Variants in KCNIP1 observed in about 807,000 individuals in gnomAD.
KCNIP1 encodes the protein A-type potassium channel modulatory protein KCNIP1.
A neutral mutation model predicts 33.0 loss-of-function variants in KCNIP1; 18 were observed. The observed-to-expected ratio is 0.55, with a 90% CI of 0.38 to 0.81. KCNIP1 has a LOEUF of 0.81. Ranked by LOEUF, KCNIP1 falls within the 30% of genes least tolerant of loss-of-function variation. The pLI is 0.00. For synonymous variants in KCNIP1, 93 were observed against 98.3 expected (o/e 0.95, Z 0.32); for missense variants, 238 against 271.6 (o/e 0.88, Z 0.87).
At chr5:170,394,968 C>A (rs1330784386) in intron 1 of KCNIP1, among the ~76,000 whole-genome samples, 4 of 152,178 alleles carry the variant, frequency 2.6e-5, no homozygotes, top group Non-Finnish European at 5.9e-5. Flanking sequence ...AAGGTGTATA[C>A]GTAGCACACT....
At chr5:170,687,179 G>A (rs1050919994) in intron 1 of KCNIP1, among the ~76,000 whole-genome samples, 3 of 148,974 alleles carry the variant, frequency 2.0e-5, no homozygotes, top group African/African-American at 7.7e-5. Flanking sequence ...AAAAAAACCT[G>A]AGTAAATTTT....
chr5:170,505,707 C>A (rs1754692020), intron 1 of KCNIP1, among the ~76,000 whole-genome samples: 3 of 152,180 alleles, frequency 2.0e-5, no homozygotes, highest in Admixed American at 2.0e-4. Flanking sequence ...CCACAGAGAT[C>A]TCCATAAGTA....
intron 1 of KCNIP1, among the ~76,000 whole-genome samples, chr5:170,521,418 G>A (rs571099578): frequency 3.9e-5 from 6 of 152,184 alleles, no homozygotes; most frequent in African/African-American, 1.4e-4. Flanking sequence ...TTTTGTGAGT[G>A]TATGTTTCTA....
chr5:170,356,639 C>A (rs1404634874), intron 1 of KCNIP1, among the ~76,000 whole-genome samples: 1 of 152,206 alleles, frequency 6.6e-6, no homozygotes, highest in African/African-American at 2.4e-5. Context: ...TTGCTAAAGG[C>A]TCTCTTCCCC....
Position 170,721,843 on chromosome 5 carries a change from G to A in KCNIP1, c.267G>A (p.Thr89=), listed in dbSNP as rs777896743. 2.9e-5 allele frequency: 46 copies of A among 1,613,952 alleles called. No individual in the cohort carries two copies. Among genetic ancestry groups the A allele is most frequent in the Non-Finnish European group, 3.7e-5 (44 of 1,180,036 alleles). The change falls in exon 4 of 8, where the codon ACG becomes ACA. Residue 89 remains threonine (T), a synonymous_variant. Transcript: ENST00000328939. The part of the protein sequence containing the change: ...AQFFPHGDAS[T]YAHYLFNAFD... ...TTTTCTGCCTTGTAGATGCCAGCAC[G>A]TATGCCCATTACCTCTTCAATGCCT... is the stretch of plus-strand genomic sequence containing the variant.
intron 1 of KCNIP1, among the ~76,000 whole-genome samples, chr5:170,467,919 A>G (rs921549376): frequency 2.3e-4 from 33 of 145,110 alleles, no homozygotes; most frequent in African/African-American, 7.9e-4. Flanking sequence ...TTCCATCTCA[A>G]AAAAAAAAAA....
chr5:170,573,624 A>C (rs1372836633), intron 1 of KCNIP1, among the ~76,000 whole-genome samples: 1 of 152,130 alleles, frequency 6.6e-6, no homozygotes, highest in Non-Finnish European at 1.5e-5. Context: ...GAATGGCTTC[A>C]TGGTCTTAAC....
chr5:170,662,472 C>T (rs1436643870), intron 1 of KCNIP1, among the ~76,000 whole-genome samples: 1 of 152,184 alleles, frequency 6.6e-6, no homozygotes, highest in East Asian at 1.9e-4. Flanking sequence ...GGTCTCCGCT[C>T]ATCCTTCTCC....
At chr5:170,643,892 C>T (rs933143272) in intron 1 of KCNIP1, among the ~76,000 whole-genome samples, 6 of 152,224 alleles carry the variant, frequency 3.9e-5, no homozygotes, top group African/African-American at 1.4e-4. Flanking sequence ...CTCAAGTGGT[C>T]CTGGGGATGA....
Position 170,421,657 on chromosome 5 carries a change from C to T in KCNIP1, c.88+67693C>T, listed in dbSNP as rs142718948. Among the ~76,000 whole-genome samples, 461 of 152,256 alleles carry T rather than the reference C, an allele frequency of 3.0e-3. 3 individuals carry two copies. Among genetic ancestry groups the T allele is most frequent in the Non-Finnish European group, 4.8e-3 (325 of 68,004 alleles). On this transcript the variant is annotated intron_variant, in intron 1 of 7. Transcript: ENST00000377360. ...TTTGCCATGGTTCCAGCCTCATGAACTAATCATTTCCCAAAGTCCCCACCT... is the reference window on the plus strand; with the variant it reads ...TTTGCCATGGTTCCAGCCTCATGAATTAATCATTTCCCAAAGTCCCCACCT...
intron 1 of KCNIP1, among the ~76,000 whole-genome samples, chr5:170,648,109 C>T (rs913289376): frequency 6.6e-6 from 1 of 152,072 alleles, no homozygotes; most frequent in African/African-American, 2.4e-5. Context: ...GGCCAATATC[C>T]AAAACACTTA....
chr5:170,678,594 G>A (rs1291018703), intron 1 of KCNIP1: 6 of 152,230 alleles, frequency 3.9e-5, no homozygotes, highest in African/African-American at 1.2e-4. Context: ...GAGGGATTAA[G>A]TCTAATTCCT....
rs376168773 is a variant in KCNIP1 at position 170,733,796 on chromosome 5, T to C, written c.541-40T>C. On this transcript the variant is annotated intron_variant, in intron 6 of 7. Coordinates refer to ENST00000328939, the MANE Select transcript of KCNIP1 (RefSeq NM_014592.4). ...AGGGGAGTAAGCTTTGGAATGGAGA[T>C]CACCAGATTCTGTAAAGTGCTTTCT... is the stretch of plus-strand genomic sequence containing the variant. 5.2e-6 allele frequency: 8 copies of C among 1,523,942 alleles called. No individual in the cohort carries two copies. In the African/African-American group the frequency reaches 1.1e-4, roughly 21 times the overall value. The allele number at this position is 1,523,942 out of a possible 1,614,324, so 94.4% of individuals were successfully genotyped here. A position where few individuals can be genotyped will look rare whatever the true frequency, so the allele number is the denominator to read the frequency against.
chr5:170,655,357 C>A (rs1161616228), intron 1 of KCNIP1, among the ~76,000 whole-genome samples: 1 of 152,164 alleles, frequency 6.6e-6, no homozygotes, highest in Non-Finnish European at 1.5e-5. Context: ...CTAGAGGAGG[C>A]ACGTGGAAGC....
rs918994045 is a variant in KCNIP1, at chr5:170,723,404, G to A, written c.435+584G>A. 7.6e-4 allele frequency among the ~76,000 whole-genome samples: 116 copies of A among 152,008 alleles called. 1 individual carries two copies. Among genetic ancestry groups the A allele is most frequent in the Admixed American group, 2.6e-4 (4 of 15,248 alleles). On this transcript the variant is annotated intron_variant, in intron 5 of 7. Transcript: ENST00000328939. ...TCTCTAGCCAGTGAAATACCCTCAG[G>A]TCTATCTCAAAACTCACTTTGGTAT... is the stretch of plus-strand genomic sequence containing the variant.
chr5:170,686,265 G>C (rs1385463161), intron 1 of KCNIP1, among the ~76,000 whole-genome samples: 4 of 152,090 alleles, frequency 2.6e-5, no homozygotes, highest in Non-Finnish European at 5.9e-5. Flanking sequence ...GCACACATAA[G>C]ATAGGAAGAT....
At chr5:170,559,101 T>A (rs1417355115) in intron 1 of KCNIP1, among the ~76,000 whole-genome samples, 1 of 152,208 alleles carries the variant, frequency 6.6e-6, no homozygotes, top group Non-Finnish European at 1.5e-5. Context: ...GAAAATCCTC[T>A]TCCCAATCCC....
At chr5:170,363,025 G>GC (rs1394480475) in intron 1 of KCNIP1, among the ~76,000 whole-genome samples, 1 of 152,186 alleles carries the variant, frequency 6.6e-6, no homozygotes, top group East Asian at 1.9e-4. Flanking sequence ...CATTTCAAAC[G>GC]CAACAGGAAA....
chr5:170,603,170 G>T (rs965763246), intron 1 of KCNIP1, among the ~76,000 whole-genome samples: 1 of 150,796 alleles, frequency 6.6e-6, no homozygotes, highest in South Asian at 2.1e-4. Flanking sequence ...GAGGCCCTTT[G>T]ATAAGGACCA....
Sources: gnomAD v4.1 joint callset for allele counts (sites outside exome capture counted in the v4.1 genomes callset) on GRCh38, gnomAD v4.1.1 for gene constraint, MANE v1.5 for transcripts, NCBI Gene and HGNC (gene_info 2026-07-23, HGNC 2026-07-21) for gene names.